The following WT1 variants were observed in gnomAD, a reference collection of about 807,000 sequenced individuals.
WT1 encodes the protein WT1 transcription factor, also known as Wilms tumor protein.
In WT1, 8 loss-of-function variants were observed where a neutral mutation model predicts 60.8. The observed-to-expected ratio is 0.13, with a 90% CI of 0.08 to 0.24. The LOEUF is 0.24. WT1 is among the 10% of genes least tolerant of loss of function. WT1 has a pLI of 1.00. For missense variants in WT1, 568 were observed against 711.8 expected (o/e 0.80, Z 2.30); for synonymous variants, 312 against 297.1 (o/e 1.05, Z -0.52).
chr11:32,418,237 G>A (rs1564988075), intron 3 of WT1, among the ~76,000 whole-genome samples: 4 of 60,790 alleles, frequency 6.6e-5, no homozygotes, highest in Admixed American at 2.9e-4. Flanking sequence ...CCTGGTACAA[G>A]TCAAATTAAA....
At chr11:32,414,968 T>C (rs1165565683) in intron 5 of WT1, among the ~76,000 whole-genome samples, 3 of 152,234 alleles carry the variant, frequency 2.0e-5, no homozygotes, top group Non-Finnish European at 4.4e-5. Flanking sequence ...TTTTTTCTTA[T>C]GTAGGATTGA....
intron 5 of WT1, among the ~76,000 whole-genome samples, chr11:32,413,612 G>A (rs1852570881): frequency 6.6e-6 from 1 of 152,142 alleles, no homozygotes; most frequent in Admixed American, 6.5e-5. Flanking sequence ...CACATCAGTG[G>A]GTTGTAAAAT....
At chr11:32,414,545 G>T (rs1205556981) in intron 5 of WT1, among the ~76,000 whole-genome samples, 2 of 152,182 alleles carry the variant, frequency 1.3e-5, no homozygotes, top group Non-Finnish European at 1.5e-5. Flanking sequence ...AAAGTGCTGG[G>T]ATTATAGGCG....
chr11:32,401,807 G>A (rs966006221), intron 5 of WT1, among the ~76,000 whole-genome samples: 6 of 152,062 alleles, frequency 3.9e-5, no homozygotes, highest in Admixed American at 6.6e-5. Flanking sequence ...CCCAAAGTGC[G>A]GGGATTACAG....
rs1060501253 is a variant in WT1 at position 32,428,030 on chromosome 11, CG to C, written c.812del (p.Pro271ArgfsTer20). ...CGGTGGGGGTGTGGCAGCCATAGAC[CG>C]GGGGCGGCACCGAGTACTGCTGCTC... On this transcript the variant is annotated frameshift_variant, in exon 3 of 10. Coordinates refer to ENST00000452863, the MANE Select transcript of WT1 (RefSeq NM_024426.6). LOFTEE classifies it high-confidence loss of function. The C allele has an allele frequency of 3.1e-6, 5 of 1,609,758 alleles. No homozygotes were observed. The highest frequency in any genetic ancestry group is 2.2e-5 in the East Asian group (1 of 44,778).
rs1853435610 is a variant in WT1 at position 32,434,763 on chromosome 11, T to A, written c.598A>T (p.Met200Leu). The A allele has an allele frequency of 6.2e-7, 1 of 1,612,860 alleles. No individual in the cohort carries two copies. The highest frequency in any genetic ancestry group is 1.3e-5 in the African/African-American group (1 of 75,060). The change falls in exon 1 of 10, where the codon ATG becomes TTG. Residue 200 changes from methionine (M) to leucine (L), a missense_variant. Coordinates refer to ENST00000452863, the MANE Select transcript of WT1 (RefSeq NM_024426.6). ...GGCAGGTAGGGCGCGTTAGGAAACA[T>A]CCTGGCCTGGCCGGATGACGCCTGG...
rs769467940 is a variant in WT1, at chr11:32,434,746, G to C, written c.615C>G (p.Pro205=). 2.1e-4 allele frequency: 334 copies of C among 1,612,832 alleles called. No homozygotes were observed. The highest frequency in any genetic ancestry group is 2.7e-4 in the Non-Finnish European group (324 of 1,179,946). Reference sequence around the variant, plus strand: ...GGCTCTCGAGGCAGCTGGGCAGGTAGGGCGCGTTAGGAAACATCCTGGCCT... The same window carrying C: ...GGCTCTCGAGGCAGCTGGGCAGGTACGGCGCGTTAGGAAACATCCTGGCCT... Residue 205 remains proline, a synonymous_variant, in exon 1 of 10, where the codon CCC becomes CCG. Coordinates refer to ENST00000452863, the MANE Select transcript of WT1 (RefSeq NM_024426.6).
intron 5 of WT1, among the ~76,000 whole-genome samples, chr11:32,408,548 GAAAGAAA>G (rs1333433255): frequency 2.8e-5 from 3 of 109,066 alleles, no homozygotes; most frequent in African/African-American, 1.0e-4. Flanking sequence ...AAAAAAGAAA[GAAAGAAA>G]AAAGAAAAGA....
At chr11:32,426,247 A>C (rs1433140321) in intron 3 of WT1, among the ~76,000 whole-genome samples, 1 of 152,200 alleles carries the variant, frequency 6.6e-6, no homozygotes, top group Non-Finnish European at 1.5e-5. Flanking sequence ...TGACACACCA[A>C]CTGAGTCCAC....
Position 32,388,976 on chromosome 11 carries a change from G to A in WT1, c.*82C>T. 1 of 1,605,258 alleles carries A rather than the reference G, an allele frequency of 6.2e-7. No homozygotes were observed. The highest frequency in any genetic ancestry group is 8.5e-7 in the Non-Finnish European group (1 of 1,174,412). On this transcript the variant is annotated 3_prime_UTR_variant, in exon 10 of 10. Transcript: ENST00000452863. ...GATCAACTGAAGTTTCCTTTTTAGT[G>A]AGGAGGAGTGGAGAGTCAGACTTGA...
chr11:32,427,115 G>T (rs1194989243), intron 3 of WT1, among the ~76,000 whole-genome samples: 10 of 152,210 alleles, frequency 6.6e-5, no homozygotes, highest in Non-Finnish European at 1.5e-5. Flanking sequence ...GCCCAATCCC[G>T]GGCCGCACAG....
At chr11:32,389,709 T>A (rs975803198) in intron 9 of WT1, among the ~76,000 whole-genome samples, 1 of 152,102 alleles carries the variant, frequency 6.6e-6, no homozygotes, top group Admixed American at 6.6e-5. Context: ...AATAAATCAC[T>A]GATACCAGTT....
In WT1 at chr11:32,435,365, G is replaced by C. The variant is rs1234105394; in HGVS notation, c.-5C>G. On this transcript the variant is annotated 5_prime_UTR_variant, in exon 1 of 10. Coordinates refer to ENST00000452863, the MANE Select transcript of WT1 (RefSeq NM_024426.6). ...CTGCAGCAAGAGGAAGTCCAGGATC[G>C]CGGCGAGGAGACGGCGGGGCCCGGG... 5.9e-6 allele frequency: 9 copies of C among 1,525,784 alleles called. No homozygotes were observed. In the African/African-American group the frequency reaches 8.3e-5, roughly 14 times the overall value. The allele number at this position is 1,525,784 out of a possible 1,614,324, so 94.5% of individuals were successfully genotyped here.
Position 32,400,044 on chromosome 11 carries a change from G to C in WT1, c.1017C>G (p.Asn339Lys), listed in dbSNP as rs1319116254. 6.2e-7 allele frequency: 1 copy of C among 1,614,202 alleles called. No individual in the cohort carries two copies. Among genetic ancestry groups the C allele is most frequent in the South Asian group, 1.1e-5 (1 of 91,068 alleles). ...TATCGCTCTCGTACCCTGTGCTGTG[G>C]CTGCAAACACAAAGAAGGGAAAAAG... The change falls in exon 6 of 10, where the codon AAC (asparagine) becomes AAG (lysine). Residue 339 changes from asparagine (N) to lysine (K), a missense_variant and splice_region_variant. Around this residue, in one of 3 missense-constraint regions of WT1, gnomAD observed 523 missense variants for 565.1 expected, o/e 0.93. Transcript: ENST00000452863.
intron 9 of WT1, among the ~76,000 whole-genome samples, chr11:32,389,865 C>G (rs1475554690): frequency 6.6e-6 from 1 of 152,146 alleles, no homozygotes; most frequent in African/African-American, 2.4e-5. Context: ...AAAGAGCCCT[C>G]AGACATTCTT....
intron 7 of WT1, among the ~76,000 whole-genome samples, chr11:32,395,223 C>T (rs1480223801): frequency 6.6e-6 from 1 of 152,206 alleles, no homozygotes; most frequent in Admixed American, 6.5e-5. Context: ...TATAATAATG[C>T]TGTTCTTCGA....
At chr11:32,396,495 A>T in intron 6 of WT1, 88 bp from the exon 7 acceptor site, 1 of 1,573,904 alleles carries the variant, frequency 6.4e-7, no homozygotes, top group Non-Finnish European at 8.6e-7. Context: ...ACTGGAGTAT[A>T]TCCAAAGAAG....
intron 5 of WT1, among the ~76,000 whole-genome samples, chr11:32,409,737 A>G (rs1852436177): frequency 6.6e-6 from 1 of 151,780 alleles, no homozygotes; most frequent in Non-Finnish European, 1.5e-5. Flanking sequence ...TGAGCCACCG[A>G]GCCTGGCAGA....
chr11:32,422,306 C>A (rs1397413932), intron 3 of WT1, among the ~76,000 whole-genome samples: 1 of 152,224 alleles, frequency 6.6e-6, no homozygotes, highest in African/African-American at 2.4e-5. Context: ...TTGGTCAGCA[C>A]AAAAGTTACA....
Sources: allele counts gnomAD v4.1 joint callset (sites outside exome capture counted in the v4.1 genomes callset), GRCh38; gene constraint gnomAD v4.1.1; regional missense constraint gnomAD v4.1.1; transcripts MANE v1.5; gene names NCBI Gene and HGNC (gene_info 2026-07-23, HGNC 2026-07-21).